The following ADAMTS20 variants were observed in gnomAD, a reference collection of about 807,000 sequenced individuals.
ADAMTS20 encodes ADAM metallopeptidase with thrombospondin type 1 motif 20.
In ADAMTS20, 225 loss-of-function variants were observed where a neutral mutation model predicts 260.1. The ratio of observed to expected loss-of-function variants is 0.87; its 90% CI spans 0.78 to 0.97. The LOEUF (loss-of-function observed/expected upper bound fraction) is 0.97, where lower values mean the gene tolerates loss of function less well. Ranked by LOEUF, ADAMTS20 falls within the 50% of genes least tolerant of loss-of-function variation. The pLI is 0.00. For synonymous variants in ADAMTS20, 802 were observed against 769.5 expected, an observed-to-expected ratio of 1.04 and a Z score of -0.70; for missense variants, 2,400 against 2,337.7, an observed-to-expected ratio of 1.03 and a Z score of -0.55.
chr12:43,545,562 C>T (rs1463934890), intron 2 of ADAMTS20, among the ~76,000 whole-genome samples: 1 of 152,132 alleles, frequency 6.6e-6, no homozygotes, highest in East Asian at 1.9e-4. Context: ...TTAGCAAGGG[C>T]ACTTTGAAAT....
chr12:43,383,081 C>T (rs1270201253), intron 31 of ADAMTS20, among the ~76,000 whole-genome samples: 3 of 151,762 alleles, frequency 2.0e-5, no homozygotes, highest in East Asian at 1.9e-4. Flanking sequence ...GGTAAGGTCA[C>T]TTATTGGGTG....
intron 2 of ADAMTS20, among the ~76,000 whole-genome samples, chr12:43,538,857 G>GAAAGA (rs949286961): frequency 3.3e-5 from 5 of 151,788 alleles, no homozygotes; most frequent in African/African-American, 1.2e-4. Flanking sequence ...GACAGCTGCA[G>GAAAGA]AAATGAACAT....
Position 43,431,320 on chromosome 12 carries a change from T to A in ADAMTS20, c.3261+12A>T. ...ATAGATCAAATTAGAAAAACCCATA[T>A]CATATACTCACAGGACCCCATGGTC... is the stretch of plus-strand genomic sequence containing the variant. On this transcript the variant is annotated intron_variant, in intron 22 of 38. Transcript: ENST00000389420. 1 of 1,612,242 alleles carries A rather than the reference T, an allele frequency of 6.2e-7. No individual in the cohort carries two copies. The highest frequency in any genetic ancestry group is 8.5e-7 in the Non-Finnish European group (1 of 1,179,194).
chr12:43,551,144 G>T lies in ADAMTS20; in HGVS notation c.218C>A (p.Pro73His). 1.9e-6 allele frequency: 3 copies of T among 1,613,942 alleles called. No individual in the cohort carries two copies. The highest frequency in any genetic ancestry group is 2.5e-6 in the Non-Finnish European group (3 of 1,179,876). ...RQKRSSEALE[P>H]MPFRTHYRFT... ...GCGATAGTGGGTTCGGAACGGCATG[G>T]GTTCCAGCGCCTCGGAGCTGCGTTT... The change falls in exon 2 of 39, where the codon CCC becomes CAC. Residue 73 changes from proline (P) to histidine (H), a missense_variant. Coordinates refer to ENST00000389420, the MANE Select transcript of ADAMTS20 (RefSeq NM_025003.5). This position sits in a 1 kb window ranked among gnomAD's most constrained non-coding sequence, Gnocchi z 4.6.
chr12:43,520,225 C>A (rs1040540002), intron 3 of ADAMTS20, among the ~76,000 whole-genome samples: 1 of 152,070 alleles, frequency 6.6e-6, no homozygotes, highest in African/African-American at 2.4e-5. Context: ...AGAAAACATG[C>A]ACATCAGGCA....
At chr12:43,420,478 CT>C (rs1941205252) in intron 28 of ADAMTS20, among the ~76,000 whole-genome samples, 2 of 152,154 alleles carry the variant, frequency 1.3e-5, no homozygotes, top group Admixed American at 1.3e-4. Flanking sequence ...ACTTATGTGT[CT>C]TTTTCAAATT....
intron 3 of ADAMTS20, among the ~76,000 whole-genome samples, chr12:43,526,383 G>A (rs140658894): frequency 0.12 from 17,903 of 152,066 alleles, 1,160 homozygotes; most frequent in South Asian, 0.14. Context: ...GTGTGAACCC[G>A]GAAGGCGGAG....
At chr12:43,525,516 A>G (rs1943129460) in intron 3 of ADAMTS20, among the ~76,000 whole-genome samples, 1 of 152,230 alleles carries the variant, frequency 6.6e-6, no homozygotes, top group Non-Finnish European at 1.5e-5. Context: ...ACAGTATCTC[A>G]CATCTCAATA....
In ADAMTS20 at chr12:43,453,980, C is replaced by T; in HGVS notation, c.1687G>A (p.Glu563Lys). The T allele has an allele frequency of 6.2e-7, 1 of 1,613,576 alleles. No homozygotes were observed. The highest frequency in any genetic ancestry group is 8.5e-7 in the Non-Finnish European group (1 of 1,179,744). ...GTTCTTGAACAAGAACTGTAAGGTT[C>T]CCATGGTCCCCATTCACCATTTACA... ...RPVNGEWGPWEPYSSCSRTCG... is the reference protein window; with the variant it reads ...RPVNGEWGPWKPYSSCSRTCG... Residue 563 changes from glutamate to lysine, a missense_variant, in exon 12 of 39, where the codon GAA becomes AAA. By Grantham distance (56) the Glu-to-Lys change is moderately conservative. Transcript: ENST00000389420.
chr12:43,471,268 C>T (rs1259137425), intron 7 of ADAMTS20, among the ~76,000 whole-genome samples: 1 of 152,146 alleles, frequency 6.6e-6, no homozygotes, highest in Non-Finnish European at 1.5e-5. Context: ...GAATATTGCG[C>T]TTTTCAGACC....
At chr12:43,509,501 A>C (rs1175370573) in intron 3 of ADAMTS20, among the ~76,000 whole-genome samples, 1 of 150,218 alleles carries the variant, frequency 6.7e-6, no homozygotes, top group African/African-American at 2.4e-5. Flanking sequence ...AACAGTGTTA[A>C]TAAATGTTGT....
At chr12:43,515,466 A>G (rs558826560) in intron 3 of ADAMTS20, among the ~76,000 whole-genome samples, 1 of 152,202 alleles carries the variant, frequency 6.6e-6, no homozygotes, top group Admixed American at 6.5e-5. Context: ...ACTATTGCCA[A>G]TTTTTTTATT....
At chr12:43,423,720 A>G (rs1223654915) in intron 28 of ADAMTS20, 1 of 702,088 alleles carries the variant, frequency 1.4e-6, no homozygotes, top group Non-Finnish European at 2.6e-6. Flanking sequence ...TAGTATTTCA[A>G]ATCTCCCCAA....
intron 15 of ADAMTS20, among the ~76,000 whole-genome samples, chr12:43,445,042 C>G (rs1015685657): frequency 2.1e-4 from 32 of 152,106 alleles, no homozygotes; most frequent in African/African-American, 7.5e-4. Context: ...TTCTTACCCA[C>G]TACTTTTACT....
At position 43,375,492 on chromosome 12, in the gene ADAMTS20, C is replaced by CA. The variant is rs1940206274; in HGVS notation, c.5332dup (p.Cys1778LeufsTer4). ...TTCCCTTCTACTCCCATTAAAAGGA[C>CA]ATTGATATGGATTTTTTAGTCTGTA... On this transcript the variant is annotated frameshift_variant, in exon 36 of 39. Transcript: ENST00000389420. LOFTEE classifies it high-confidence loss of function. The CA allele has an allele frequency of 6.2e-7, 1 of 1,613,326 alleles. No homozygotes were observed.
chr12:43,441,271 G>C (rs12099686), intron 16 of ADAMTS20, among the ~76,000 whole-genome samples: 2,281 of 151,604 alleles, frequency 0.015, 52 homozygotes, highest in African/African-American at 0.051. Flanking sequence ...TTTTCCCAGT[G>C]ACAGACATTA....
chr12:43,366,278 AG>A (rs1939984276), intron 37 of ADAMTS20, among the ~76,000 whole-genome samples: 1 of 151,928 alleles, frequency 6.6e-6, no homozygotes. Flanking sequence ...TCAATATGTT[AG>A]GAAGTTATGA....
At chr12:43,452,748 A>T (rs1421059618) in intron 12 of ADAMTS20, 53 bp from the exon 13 acceptor site, 1 of 1,429,936 alleles carries the variant, frequency 7.0e-7, no homozygotes, top group African/African-American at 1.4e-5. Context: ...TATTTGTGCC[A>T]CTTACTTCTA....
At chr12:43,400,348 C>T (rs1940785465) in intron 28 of ADAMTS20, among the ~76,000 whole-genome samples, 1 of 151,844 alleles carries the variant, frequency 6.6e-6, no homozygotes, top group Non-Finnish European at 1.5e-5. Flanking sequence ...ACTATATGGC[C>T]TATTTGATAC....
Sources: allele counts gnomAD v4.1 joint callset (sites outside exome capture counted in the v4.1 genomes callset), GRCh38; gene constraint gnomAD v4.1.1; non-coding constraint Gnocchi (gnomAD v3.1); transcripts MANE v1.5; gene names NCBI Gene and HGNC (gene_info 2026-07-23, HGNC 2026-07-21).